Variants in UBAP2L observed in about 807,000 individuals in gnomAD.
The protein encoded by UBAP2L is ubiquitin-associated protein 2-like.
UBAP2L carries 12 observed loss-of-function variants against 130.6 expected under a neutral mutation model. The observed-to-expected ratio is 0.09, with a 90% CI of 0.06 to 0.15. The LOEUF (loss-of-function observed/expected upper bound fraction) is 0.15, where lower values mean the gene tolerates loss of function less well. Ranked by LOEUF, UBAP2L falls within the 10% of genes least tolerant of loss-of-function variation. The pLI is 1.00. For missense variants in UBAP2L, 965 were observed against 1,332.5 expected (o/e 0.72, Z 4.29); for synonymous variants, 503 against 524.7 (o/e 0.96, Z 0.57).
intron 12 of UBAP2L, 95 bp downstream of exon 12, chr1:154,249,532 T>C (rs1370094361): frequency 3.4e-6 from 5 of 1,479,752 alleles, no homozygotes; most frequent in Non-Finnish European, 4.6e-6. Flanking sequence ...TGTCCTGAAG[T>C]GAAGAAAAGG....
At chr1:154,269,082 G>A in intron 26 of UBAP2L, 128 bp downstream of exon 26, 1 of 1,147,516 alleles carries the variant, frequency 8.7e-7, no homozygotes, top group East Asian at 2.6e-5. Context: ...CGCCAGTCAT[G>A]GGCACACAGC....
At chr1:154,255,027 C>A in intron 16 of UBAP2L, 125 bp from the exon 17 acceptor site, 1 of 1,410,722 alleles carries the variant, frequency 7.1e-7, no homozygotes. Context: ...AAAGATTCTA[C>A]CTAATATAGT....
intron 18 of UBAP2L, among the ~76,000 whole-genome samples, chr1:154,256,543 G>A (rs1027643331): frequency 6.6e-6 from 1 of 152,214 alleles, no homozygotes; most frequent in Non-Finnish European, 1.5e-5. Flanking sequence ...GGAGGCTGAA[G>A]TGGAAGGACT....
At chr1:154,224,326 G>A (rs1046065001) in intron 1 of UBAP2L, among the ~76,000 whole-genome samples, 6 of 152,218 alleles carry the variant, frequency 3.9e-5, no homozygotes, top group Admixed American at 1.3e-4. Flanking sequence ...GTGGTGGAGG[G>A]TAATTGCCAT....
Position 154,241,515 on chromosome 1 carries a change from G to A in UBAP2L, c.706G>A (p.Ala236Thr), listed in dbSNP as rs1482965664. The A allele has an allele frequency of 1.9e-6, 3 of 1,613,924 alleles. No homozygotes were observed. In the African/African-American group the frequency reaches 4.0e-5, roughly 22 times the overall value. ...GHFEPDDGTS[A>T]WRTATEEWGT... Reference sequence around the variant, plus strand: ...TCACTATTTTTCTTTATTCTCAGGTGCATGGAGGACTGCAACAGAGGAGTG... The same window carrying A: ...TCACTATTTTTCTTTATTCTCAGGTACATGGAGGACTGCAACAGAGGAGTG... Residue 236 changes from alanine (A) to threonine (T), a missense_variant and splice_region_variant, in exon 9 of 27, where the codon GCA (alanine) becomes ACA (threonine). Ala to Thr is a moderately conservative substitution (Grantham distance 58). Coordinates refer to ENST00000428931, the MANE Select transcript of UBAP2L (RefSeq NM_014847.4).
chr1:154,268,197 T>C (rs1265450155), intron 25 of UBAP2L, among the ~76,000 whole-genome samples: 2 of 150,846 alleles, frequency 1.3e-5, no homozygotes, highest in African/African-American at 2.4e-5. Flanking sequence ...CCTTTTTTTT[T>C]CTTTTTTTTC....
chr1:154,264,674 C>G (rs1415792796), intron 24 of UBAP2L, among the ~76,000 whole-genome samples: 1 of 152,180 alleles, frequency 6.6e-6, no homozygotes, highest in Non-Finnish European at 1.5e-5. Context: ...GCTTGAGAAT[C>G]CAGTTAGTCA....
At position 154,259,878 on chromosome 1, in the gene UBAP2L, C is replaced by T. The variant is rs150918720; in HGVS notation, c.2497-70C>T. The T allele has an allele frequency of 6.2e-3, 9,222 of 1,482,432 alleles. 66 individuals are homozygous for T. The highest frequency in any genetic ancestry group is 0.023 in the Middle Eastern group (134 of 5,808). The allele number at this position is 1,482,432 out of a possible 1,614,324, so 91.8% of individuals were successfully genotyped here. On this transcript the variant is annotated intron_variant, in intron 21 of 26. Transcript: ENST00000428931. ...TCTCACATTCTTCTGTTTTTTCCTCCGTGGAAATAGTACTCATGCTGGGGA... is the reference window on the plus strand; with the variant it reads ...TCTCACATTCTTCTGTTTTTTCCTCTGTGGAAATAGTACTCATGCTGGGGA...
Position 154,228,589 on chromosome 1 carries a change from G to C in UBAP2L, c.169-26G>C. On this transcript the variant is annotated intron_variant, in intron 3 of 26. Transcript: ENST00000428931. ...GGAGTGTGAGCATAAGCCTGTTCAT[G>C]ATGGTTGCTGTTTTTTCTCTTTCAG... 1.9e-6 allele frequency: 3 copies of C among 1,559,392 alleles called. No individual in the cohort carries two copies. In the Middle Eastern group the frequency reaches 5.0e-4, roughly 262 times the overall value.
At position 154,228,620 on chromosome 1, in the gene UBAP2L, T is replaced by C. The variant is rs762709085; in HGVS notation, c.174T>C (p.Ile58=). ...ADFEEKVKQL[I]DITGKNQDEC... ...TGCTGTTTTTTCTCTTTCAGTTGATTGATATTACAGGCAAGAACCAGGATG... is the reference window on the plus strand; with the variant it reads ...TGCTGTTTTTTCTCTTTCAGTTGATCGATATTACAGGCAAGAACCAGGATG... The change falls in exon 4 of 27, where the codon ATT becomes ATC. Residue 58 remains isoleucine (I), a synonymous_variant. Transcript: ENST00000428931. 2.5e-6 allele frequency: 4 copies of C among 1,612,746 alleles called. No individual in the cohort carries two copies. Among genetic ancestry groups the C allele is most frequent in the South Asian group, 1.1e-5 (1 of 91,046 alleles).
intron 6 of UBAP2L, among the ~76,000 whole-genome samples, chr1:154,235,501 C>T (rs559279828): frequency 8.6e-4 from 131 of 151,990 alleles, no homozygotes; most frequent in African/African-American, 2.9e-3. Flanking sequence ...TACAGGTGGC[C>T]GCCAGTATGC....
At chr1:154,228,556 T>C in intron 3 of UBAP2L, 59 bp from the exon 4 acceptor site, 8 of 1,321,150 alleles carry the variant, frequency 6.1e-6, no homozygotes, top group Non-Finnish European at 7.5e-6. Context: ...CCTAGTTTCC[T>C]TTCATTGGGA....
Position 154,234,633 on chromosome 1 carries a change from C to G in UBAP2L, c.322C>G (p.Gln108Glu). The part of the protein sequence containing the change: ...MVGKKKGVSG[Q>E]KDGGQTESNE... ...CGGGAAGAAGAAGGGAGTCTCAGGC[C>G]AGAAGGATGGTGGCCAGACGGAATC... Residue 108 changes from glutamine to glutamate, a missense_variant, in exon 5 of 27, where the codon CAG (glutamine) becomes GAG (glutamate). By Grantham distance (29) the Gln-to-Glu change is conservative. Around this residue, in one of 9 missense-constraint regions of UBAP2L, gnomAD observed 109 missense variants for 146.6 expected, o/e 0.74. Coordinates refer to ENST00000428931, the MANE Select transcript of UBAP2L (RefSeq NM_014847.4). 1 of 1,613,984 alleles carries G rather than the reference C, an allele frequency of 6.2e-7. No homozygotes were observed. The highest frequency in any genetic ancestry group is 8.5e-7 in the Non-Finnish European group (1 of 1,179,988).
chr1:154,230,821 A>G (rs1669595095), intron 4 of UBAP2L, among the ~76,000 whole-genome samples: 1 of 152,208 alleles, frequency 6.6e-6, no homozygotes, highest in South Asian at 2.1e-4. Flanking sequence ...ATCATTTCAG[A>G]AAACTGAAGT....
chr1:154,237,450 C>T (rs920428013), intron 8 of UBAP2L, among the ~76,000 whole-genome samples: 1 of 152,176 alleles, frequency 6.6e-6, no homozygotes, highest in Non-Finnish European at 1.5e-5. Context: ...TTGTTTGACC[C>T]TGAAAGTCCA....
chr1:154,249,666 T>A (rs1444490585), intron 12 of UBAP2L, among the ~76,000 whole-genome samples: 2 of 152,122 alleles, frequency 1.3e-5, no homozygotes, highest in Non-Finnish European at 2.9e-5. Context: ...CTGGGCATGG[T>A]AGCTTACACC....
At chr1:154,226,476 T>C (rs1365414110) in intron 2 of UBAP2L, among the ~76,000 whole-genome samples, 1 of 152,224 alleles carries the variant, frequency 6.6e-6, no homozygotes, top group Non-Finnish European at 1.5e-5. Context: ...CCCTTACGCA[T>C]TTTTCTTTCA....
At chr1:154,223,298 A>G (rs1666909012) in intron 1 of UBAP2L, among the ~76,000 whole-genome samples, 3 of 152,234 alleles carry the variant, frequency 2.0e-5, no homozygotes, top group Admixed American at 2.0e-4. Flanking sequence ...CATGCAGTTT[A>G]TACCTGCAAT....
chr1:154,261,736 G>A, intron 24 of UBAP2L, 39 bp downstream of exon 24: 1 of 1,593,172 alleles, frequency 6.3e-7, no homozygotes, highest in Middle Eastern at 1.7e-4. Context: ...TTATCTGTGG[G>A]GTGTTATTGG....
Sources: gnomAD v4.1 joint callset for allele counts (sites outside exome capture counted in the v4.1 genomes callset) on GRCh38, gnomAD v4.1.1 for gene constraint, gnomAD v4.1.1 regional missense constraint, MANE v1.5 for transcripts, NCBI Gene and HGNC (gene_info 2026-07-23, HGNC 2026-07-21) for gene names.